Variants in IQSEC1 observed in about 807,000 individuals in gnomAD.
The protein encoded by IQSEC1 is IQ motif and Sec7 domain ArfGEF 1.
A neutral mutation model predicts 91.0 loss-of-function variants in IQSEC1; 31 were observed. The ratio of observed to expected loss-of-function variants is 0.34; its 90% CI spans 0.26 to 0.46. IQSEC1 has a LOEUF of 0.46. Among genes scored for constraint, IQSEC1 ranks in the 20% least tolerant of loss-of-function variants. The pLI is 1.00. For missense variants in IQSEC1, 1,388 were observed against 1,575.6 expected, an observed-to-expected ratio of 0.88 and a Z score of 2.02; for synonymous variants, 699 against 662.6, an observed-to-expected ratio of 1.05 and a Z score of -0.84.
chr3:13,169,361 G>C (rs528491254), intron 1 of IQSEC1, among the ~76,000 whole-genome samples: 1 of 152,302 alleles, frequency 6.6e-6, no homozygotes, highest in South Asian at 2.1e-4. Context: ...GGAACTGTAA[G>C]TCCATTAAAC....
In IQSEC1 at chr3:13,192,732, C is replaced by T. The variant is rs373330326; in HGVS notation, c.273-28599G>A. ...CCACCCACTTTGTTATGGAGGCCCC[C>T]GACACAGTCCCAAACTCCACTTCTT... On this transcript the variant is annotated intron_variant, in intron 1 of 15. Coordinates refer to the IQSEC1 transcript ENST00000648114. Among the ~76,000 whole-genome samples, 6 of 152,224 alleles carry T rather than the reference C, an allele frequency of 3.9e-5. No individual in the cohort carries two copies. In the South Asian group the frequency reaches 1.2e-3, roughly 32 times the overall value.
At chr3:12,917,729 TAA>T (rs1377116084) in intron 6 of IQSEC1, among the ~76,000 whole-genome samples, 1 of 152,258 alleles carries the variant, frequency 6.6e-6, no homozygotes, top group Non-Finnish European at 1.5e-5. Context: ...TCTGTGGGCC[TAA>T]GTTTTCAGTT....
intron 1 of IQSEC1, among the ~76,000 whole-genome samples, chr3:13,172,714 G>C (rs2125003173): frequency 6.6e-6 from 1 of 152,370 alleles, no homozygotes; most frequent in South Asian, 2.1e-4. Context: ...GATGAGGGCA[G>C]TGACCTGCCT....
chr3:12,953,409 C>T (rs1024513216), intron 1 of IQSEC1, among the ~76,000 whole-genome samples: 5 of 152,208 alleles, frequency 3.3e-5, no homozygotes, highest in African/African-American at 4.8e-5. Flanking sequence ...TGCTGAGGCC[C>T]GATAAGGCCC....
At position 12,935,516 on chromosome 3, in the gene IQSEC1, G is replaced by T; in HGVS notation, c.1500C>A (p.Asp500Glu). 1 of 1,614,036 alleles carries T rather than the reference G, an allele frequency of 6.2e-7. No homozygotes were observed. The highest frequency in any genetic ancestry group is 8.5e-7 in the Non-Finnish European group (1 of 1,179,936). ...TYHKEARNSW[D>E]SPAFSNDVIR... ...TGACATCGTTGCTAAAGGCAGGCGA[G>T]TCCCAGCTGTTGCGGGCCTCCTTGT... The change falls in exon 3 of 14, where the codon GAC becomes GAA. Residue 500 changes from aspartate to glutamate, a missense_variant. By Grantham distance (45) the Asp-to-Glu change is conservative (BLOSUM62 2). Transcript: ENST00000613206. This position sits in a 1 kb window ranked among gnomAD's most constrained non-coding sequence, Gnocchi z 8.0.
intron 2 of IQSEC1, among the ~76,000 whole-genome samples, chr3:13,153,409 G>A (rs894430599): frequency 3.3e-5 from 5 of 152,232 alleles, no homozygotes; most frequent in African/African-American, 4.8e-5. Context: ...TGGAAGAGGA[G>A]AGAAGGTCTC....
rs202170507 is a variant in IQSEC1, at chr3:12,922,176, C to G, written c.1797G>C (p.Ala599=). The change falls in exon 5 of 14, where the codon GCG becomes GCC. Residue 599 remains alanine, a synonymous_variant. Coordinates refer to ENST00000613206, the MANE Select transcript of IQSEC1 (RefSeq NM_001134382.3). The surrounding 1 kb of genome is among the most constrained non-coding windows in gnomAD (Gnocchi z 5.1). ...GAGCCTCCCCTTGGACACGGATGTGCGCCTGGAATTTCCTGAGGGCCTCAT... is the reference window on the plus strand; with the variant it reads ...GAGCCTCCCCTTGGACACGGATGTGGGCCTGGAATTTCCTGAGGGCCTCAT... ...ELDEALRKFQ[A]HIRVQGEAQK... The G allele has an allele frequency of 3.1e-6, 5 of 1,610,302 alleles. No individual in the cohort carries two copies. The highest frequency in any genetic ancestry group is 4.2e-6 in the Non-Finnish European group (5 of 1,177,608).
intron 2 of IQSEC1, among the ~76,000 whole-genome samples, chr3:13,161,562 C>T (rs2124981004): frequency 6.6e-6 from 1 of 152,316 alleles, no homozygotes; most frequent in Middle Eastern, 3.4e-3. Flanking sequence ...TGACCCATGA[C>T]ATAGGCCTGG....
intron 1 of IQSEC1, among the ~76,000 whole-genome samples, chr3:13,056,659 T>C (rs1704893817): frequency 6.6e-6 from 1 of 151,264 alleles, no homozygotes; most frequent in Non-Finnish European, 1.5e-5. Context: ...CCACCCATAG[T>C]CAGCTCAGGC....
chr3:13,145,634 C>G (rs765455826), intron 2 of IQSEC1, among the ~76,000 whole-genome samples: 2 of 152,152 alleles, frequency 1.3e-5, no homozygotes, highest in Admixed American at 1.3e-4. Context: ...AGCTTCCACA[C>G]GAAGAAGGCG....
chr3:12,976,073 G>A (rs942891646), intron 1 of IQSEC1, among the ~76,000 whole-genome samples: 1 of 152,246 alleles, frequency 6.6e-6, no homozygotes, highest in Non-Finnish European at 1.5e-5. Context: ...TGTCTCTTAG[G>A]TTGCTGAAAA....
Position 13,059,230 on chromosome 3 carries a change from C to T in IQSEC1, c.23+13762G>A, listed in dbSNP as rs770971922. ...CAGGCCCCACCCCAGGGGCCCATCT[C>T]GGCAATGGCGCTGCCACCCATCAGA... On this transcript the variant is annotated intron_variant, in intron 1 of 13. Transcript: ENST00000613206. 6.6e-5 allele frequency among the ~76,000 whole-genome samples: 10 copies of T among 152,280 alleles called. 1 individual carries two copies. The highest frequency in any genetic ancestry group is 1.3e-4 in the Admixed American group (2 of 15,298).
intron 2 of IQSEC1, among the ~76,000 whole-genome samples, chr3:13,158,959 C>T (rs1162279230): frequency 1.3e-5 from 2 of 149,152 alleles, no homozygotes; most frequent in African/African-American, 2.5e-5. Flanking sequence ...AGGACTCGGT[C>T]TCAAAAAAAA....
At chr3:13,123,461 G>A (rs957227834) in intron 2 of IQSEC1, among the ~76,000 whole-genome samples, 3 of 152,214 alleles carry the variant, frequency 2.0e-5, no homozygotes, top group South Asian at 2.1e-4. Context: ...GTGGGCATAC[G>A]ACTGGGAGGT....
chr3:13,055,939 C>T (rs1175602214), intron 1 of IQSEC1, among the ~76,000 whole-genome samples: 1 of 145,630 alleles, frequency 6.9e-6, no homozygotes, highest in Non-Finnish European at 1.5e-5. Context: ...TGGCCCACCA[C>T]ACCTGCCAAG....
intron 2 of IQSEC1, among the ~76,000 whole-genome samples, chr3:13,133,962 G>C (rs978362324): frequency 6.6e-6 from 1 of 152,234 alleles, no homozygotes; most frequent in Admixed American, 6.5e-5. Flanking sequence ...GTGGGCCCAT[G>C]ATGACTCTCA....
At chr3:13,015,532 C>G in intron 1 of IQSEC1, 1 of 984,542 alleles carries the variant, frequency 1.0e-6, no homozygotes, top group Non-Finnish European at 1.2e-6. Context: ...ACAGGTTTCT[C>G]AGGGCTGCTG....
Position 12,899,974 on chromosome 3 carries a change from G to A in IQSEC1, c.*1009C>T. On this transcript the variant is annotated 3_prime_UTR_variant, in exon 14 of 14. Transcript: ENST00000613206. ...AATCATATGCGCATAAAAGAAACAT[G>A]GATCATGGAGAGTCACAGTTATCGC... 2.0e-6 allele frequency: 2 copies of A among 985,254 alleles called. No homozygotes were observed. The highest frequency in any genetic ancestry group is 2.4e-6 in the Non-Finnish European group (2 of 829,894). 61.0% of individuals were successfully genotyped at this position (985,254 alleles called of 1,614,324 possible).
At chr3:12,916,859 G>A (rs780112501) in intron 6 of IQSEC1, among the ~76,000 whole-genome samples, 3 of 152,204 alleles carry the variant, frequency 2.0e-5, no homozygotes, top group South Asian at 2.1e-4. Flanking sequence ...CACATGGGCC[G>A]TTTCTCTTAG....
Sources: allele counts gnomAD v4.1 joint callset (sites outside exome capture counted in the v4.1 genomes callset), GRCh38; gene constraint gnomAD v4.1.1; non-coding constraint Gnocchi (gnomAD v3.1); transcripts MANE v1.5; gene names NCBI Gene and HGNC (gene_info 2026-07-23, HGNC 2026-07-21).